LRRC3B: variants seen among roughly 807,000 people sequenced by gnomAD.
LRRC3B encodes leucine-rich repeat-containing protein 3B.
In LRRC3B, 2 loss-of-function variants were observed where a neutral mutation model predicts 12.8. The observed-to-expected ratio is 0.16, with a 90% CI of 0.06 to 0.49. The LOEUF (loss-of-function observed/expected upper bound fraction) is 0.49. Ranked by LOEUF, LRRC3B falls within the 20% of genes least tolerant of loss-of-function variation. LRRC3B has a pLI of 0.96. For missense variants in LRRC3B, 189 were observed against 319.4 expected, an observed-to-expected ratio of 0.59 and a Z score of 3.11; for synonymous variants, 132 against 122.0, an observed-to-expected ratio of 1.08 and a Z score of -0.54.
At chr3:26,623,622 C>T (rs1698557294) in intron 1 of LRRC3B, 1 of 152,578 alleles carries the variant, frequency 6.6e-6, no homozygotes, top group South Asian at 2.1e-4. Context: ...CTCCCCGCAG[C>T]TCTGGCTCCT....
intron 1 of LRRC3B, among the ~76,000 whole-genome samples, chr3:26,663,326 C>A (rs1208595533): frequency 6.6e-6 from 1 of 152,082 alleles, no homozygotes; most frequent in African/African-American, 2.4e-5. Context: ...ATTCCCCCCA[C>A]CCCAATACAC....
chr3:26,689,461 G>T (rs142834032), intron 1 of LRRC3B, among the ~76,000 whole-genome samples: 1 of 152,096 alleles, frequency 6.6e-6, no homozygotes. Context: ...TGGCTTTCCC[G>T]GAGAACAGAG....
intron 1 of LRRC3B, among the ~76,000 whole-genome samples, chr3:26,651,381 GT>G (rs1329438176): frequency 6.6e-6 from 1 of 152,062 alleles, no homozygotes; most frequent in East Asian, 1.9e-4. Flanking sequence ...ACCACAGTTT[GT>G]TTTTCTTCCC....
intron 1 of LRRC3B, among the ~76,000 whole-genome samples, chr3:26,643,033 T>C (rs1194905659): frequency 1.4e-5 from 2 of 140,662 alleles, no homozygotes; most frequent in Non-Finnish European, 3.0e-5. Flanking sequence ...AAAGGCAGAA[T>C]TACCAGGAGC....
intron 1 of LRRC3B, among the ~76,000 whole-genome samples, chr3:26,644,788 TG>T (rs1227601367): frequency 6.6e-6 from 1 of 152,206 alleles, no homozygotes; most frequent in Non-Finnish European, 1.5e-5. Context: ...ACCATATTCC[TG>T]GTCTTAAGAG....
At chr3:26,663,957 T>C (rs761031421) in intron 1 of LRRC3B, among the ~76,000 whole-genome samples, 6 of 152,142 alleles carry the variant, frequency 3.9e-5, no homozygotes, top group Non-Finnish European at 5.9e-5. Flanking sequence ...TCAGAGGATT[T>C]TTCTATGAAC....
rs189867019 is a variant in LRRC3B at position 26,656,088 on chromosome 3, T to C, written c.-161+32851T>C. Among the ~76,000 whole-genome samples the C allele has an allele frequency of 3.3e-4, 50 of 152,248 alleles. No homozygotes were observed. In the East Asian group the frequency reaches 9.7e-3, roughly 29 times the overall value. ...CAGCTTATTTTAGCTCAATGATTTA[T>C]GAAAGCCCTGAAGAATCACTGCAAG... On this transcript the variant is annotated intron_variant, in intron 1 of 1. Transcript: ENST00000396641.
intron 1 of LRRC3B, among the ~76,000 whole-genome samples, chr3:26,663,710 T>C (rs563308562): frequency 2.0e-5 from 3 of 152,198 alleles, no homozygotes; most frequent in African/African-American, 7.2e-5. Context: ...ATGGAAATGG[T>C]TATGACTAAG....
intron 1 of LRRC3B, among the ~76,000 whole-genome samples, chr3:26,675,233 T>A (rs1699833045): frequency 6.6e-6 from 1 of 152,220 alleles, no homozygotes; most frequent in South Asian, 2.1e-4. Flanking sequence ...AGGTACAGCA[T>A]ATAAACAAAG....
intron 1 of LRRC3B, among the ~76,000 whole-genome samples, chr3:26,655,825 G>T (rs894969220): frequency 6.4e-4 from 97 of 152,216 alleles, no homozygotes; most frequent in African/African-American, 2.2e-3. Context: ...CTGGGCCAAG[G>T]TCTGTGCCAA....
intron 1 of LRRC3B, among the ~76,000 whole-genome samples, chr3:26,680,277 A>ATAAT (rs1699945230): frequency 6.6e-6 from 1 of 152,200 alleles, no homozygotes; most frequent in Non-Finnish European, 1.5e-5. Flanking sequence ...TGAGAGGGGA[A>ATAAT]TAATTAAATG....
At chr3:26,629,508 C>T (rs548408312) in intron 1 of LRRC3B, among the ~76,000 whole-genome samples, 6 of 152,296 alleles carry the variant, frequency 3.9e-5, no homozygotes, top group South Asian at 2.1e-4. Flanking sequence ...ACAGAGGGCT[C>T]CCCCTGTTAG....
chr3:26,667,893 T>A (rs1488221429), intron 1 of LRRC3B, among the ~76,000 whole-genome samples: 6 of 151,942 alleles, frequency 3.9e-5, no homozygotes, highest in Admixed American at 1.3e-4. Flanking sequence ...ACCAATTTTT[T>A]TTTACATAAA....
intron 1 of LRRC3B, among the ~76,000 whole-genome samples, chr3:26,646,393 C>T (rs1388104770): frequency 6.6e-6 from 1 of 152,020 alleles, no homozygotes; most frequent in Non-Finnish European, 1.5e-5. Context: ...GGGTAAAGAA[C>T]TTATATTGCA....
chr3:26,645,537 T>A (rs2125410994), intron 1 of LRRC3B, among the ~76,000 whole-genome samples: 1 of 152,204 alleles, frequency 6.6e-6, no homozygotes, highest in Non-Finnish European at 1.5e-5. Flanking sequence ...ATTATATATG[T>A]GCATATATCT....
chr3:26,696,748 A>G (rs1700327833), intron 1 of LRRC3B, among the ~76,000 whole-genome samples: 1 of 152,182 alleles, frequency 6.6e-6, no homozygotes, highest in Non-Finnish European at 1.5e-5. Flanking sequence ...CATCATCCCT[A>G]GATCATAATT....
rs1559361665 is a variant in LRRC3B at position 26,671,358 on chromosome 3, A to ATATATATATATATATG, written c.-160-38140_-160-38139insGTATATATATATATAT. Among the ~76,000 whole-genome samples the ATATATATATATATATG allele has an allele frequency of 1.3e-4, 9 of 69,200 alleles. 1 individual carries two copies. Among genetic ancestry groups the ATATATATATATATATG allele is most frequent in the African/African-American group, 5.6e-4 (9 of 16,122 alleles). 45.4% of individuals were successfully genotyped at this position (69,200 alleles called of 152,430 possible). On this transcript the variant is annotated intron_variant, in intron 1 of 1. Coordinates refer to ENST00000396641, the Ensembl canonical transcript of LRRC3B. ...TGTGTGTATATATGTGTGTATATAT[A>ATATATATATATATATG]TATATATATATATATAGAGAGAGAG... is the stretch of plus-strand genomic sequence containing the variant.
rs1466711562 is a variant in LRRC3B, at chr3:26,638,535, A to T, written c.-161+15298A>T. On this transcript the variant is annotated intron_variant, in intron 1 of 1. Transcript: ENST00000396641. ...GTCTCAAAGTGTGAATCAATACCTG[A>T]TGATGTGGAAAATAACAACTAAAGC... Among the ~76,000 whole-genome samples, 3 of 152,222 alleles carry T rather than the reference A, an allele frequency of 2.0e-5. No homozygotes were observed. In the East Asian group the frequency reaches 5.8e-4, roughly 29 times the overall value.
intron 1 of LRRC3B, among the ~76,000 whole-genome samples, chr3:26,637,570 T>G (rs1420141609): frequency 1.3e-5 from 2 of 152,222 alleles, no homozygotes; most frequent in Middle Eastern, 3.2e-3. Flanking sequence ...GAAACACTTG[T>G]GGATTCTGTG....
Sources: allele counts gnomAD v4.1 joint callset (sites outside exome capture counted in the v4.1 genomes callset), GRCh38; gene constraint gnomAD v4.1.1; transcripts MANE v1.5; gene names NCBI Gene and HGNC (gene_info 2026-07-23, HGNC 2026-07-21).